Variants in HMGN5 observed in about 807,000 individuals in gnomAD.
The protein encoded by HMGN5 is high mobility group nucleosome binding domain 5.
In HMGN5, 4 loss-of-function variants were observed where a neutral mutation model predicts 9.5. That is an observed-to-expected ratio of 0.42 (90% CI 0.21 to 0.96). The LOEUF is 0.96. Among genes scored for constraint, HMGN5 ranks in the 40% least tolerant of loss-of-function variants. HMGN5 has a pLI of 0.30. For missense variants in HMGN5, 192 were observed against 187.5 expected (o/e 1.02, Z -0.14); for synonymous variants, 55 against 57.1 (o/e 0.96, Z 0.16).
At chrX:81,138,029 A>T (rs890367383) in intron 1 of HMGN5, among the ~76,000 whole-genome samples, 4 of 112,003 alleles carry the variant, frequency 3.6e-5, no homozygotes, top group African/African-American at 1.3e-4. Flanking sequence ...AACACTTAAA[A>T]CATAATTAAA....
Position 81,130,625 on chromosome X carries a change from CTTGTAG to C in HMGN5, c.-123-8959_-123-8954del, listed in dbSNP as rs750111937. Among the ~76,000 whole-genome samples the C allele has an allele frequency of 6.3e-5, 7 of 110,888 alleles. No individual in the cohort carries two copies. The East Asian group carries it at 2.0e-3, about 31-fold the overall frequency. ...GAATTAATTATGCTTGGTTTCCTGTCTTGTAGTTTTAAATTTTCAGTTCTCCCTGAG... is the reference window on the plus strand; with the variant it reads ...GAATTAATTATGCTTGGTTTCCTGTCTTTTAAATTTTCAGTTCTCCCTGAG... On this transcript the variant is annotated intron_variant, in intron 1 of 6. Transcript: ENST00000358130.
rs778032335 is a variant in HMGN5, at chrX:81,115,948, G to A, written c.267+256C>T. ...TTGGCTTGTATTTAATAAGAAGGTT[G>A]TTATGTTAGTACTAAGTCATAATCA... On this transcript the variant is annotated intron_variant, in intron 6 of 6. Transcript: ENST00000358130. Among the ~76,000 whole-genome samples the A allele has an allele frequency of 3.4e-3, 378 of 111,869 alleles. 2 individuals are homozygous for A. The highest frequency in any genetic ancestry group is 0.012 in the African/African-American group (364 of 30,905).
chrX:81,115,799 GC>G (rs1450900542), intron 6 of HMGN5, among the ~76,000 whole-genome samples: 1 of 111,846 alleles, frequency 8.9e-6, no homozygotes, highest in Non-Finnish European at 1.9e-5. Context: ...CATTAAATAT[GC>G]AAAATAAGAT....
chrX:81,127,283 G>GC (rs1230374170), intron 1 of HMGN5, among the ~76,000 whole-genome samples: 4 of 111,339 alleles, frequency 3.6e-5, no homozygotes, highest in Non-Finnish European at 7.6e-5. Context: ...ACTGATAAAT[G>GC]CCCCAGGCTG....
intron 1 of HMGN5, among the ~76,000 whole-genome samples, chrX:81,141,043 G>A (rs1386923191): frequency 8.9e-6 from 1 of 111,838 alleles, no homozygotes; most frequent in African/African-American, 3.3e-5. Context: ...CATGGCCTGG[G>A]ATGGTGGTAG....
intron 1 of HMGN5, among the ~76,000 whole-genome samples, chrX:81,154,485 C>T (rs928800075): frequency 3.6e-5 from 4 of 111,367 alleles, no homozygotes; most frequent in Non-Finnish European, 7.5e-5. Context: ...CTCCCACAAG[C>T]ACAGGCAACC....
At chrX:81,131,377 C>A (rs1384538878) in intron 1 of HMGN5, among the ~76,000 whole-genome samples, 1 of 111,281 alleles carries the variant, frequency 9.0e-6, no homozygotes, top group Non-Finnish European at 1.9e-5. Context: ...TCTTTCTTGA[C>A]TACAGAGAAG....
chrX:81,200,828 C>T (rs957068320), intron 1 of HMGN5, among the ~76,000 whole-genome samples: 3 of 110,989 alleles, frequency 2.7e-5, no homozygotes, highest in Non-Finnish European at 5.7e-5. Flanking sequence ...GCACGTTGTG[C>T]ACATGTACCC....
chrX:81,151,126 C>T (rs919164241), intron 1 of HMGN5, among the ~76,000 whole-genome samples: 2 of 111,871 alleles, frequency 1.8e-5, no homozygotes, highest in Admixed American at 9.5e-5. Context: ...TATTATTACC[C>T]TGATTCCCAA....
intron 1 of HMGN5, among the ~76,000 whole-genome samples, chrX:81,136,319 G>A (rs764378718): frequency 9.0e-6 from 1 of 111,493 alleles, no homozygotes; most frequent in Non-Finnish European, 1.9e-5. Flanking sequence ...TTTTCCTTGT[G>A]AGTTTATAGT....
intron 1 of HMGN5, among the ~76,000 whole-genome samples, chrX:81,183,431 G>C (rs1438527966): frequency 9.8e-6 from 1 of 101,817 alleles, no homozygotes. Context: ...ACTGCTTTCT[G>C]TATCCCAGCT....
intron 5 of HMGN5, among the ~76,000 whole-genome samples, chrX:81,117,606 T>C (rs996506827): frequency 2.7e-5 from 3 of 111,189 alleles, no homozygotes; most frequent in African/African-American, 9.8e-5. Flanking sequence ...GTAAGTTGAA[T>C]ATTTAACCTT....
chrX:81,173,086 G>C (rs1296855625), intron 1 of HMGN5, among the ~76,000 whole-genome samples: 1 of 111,093 alleles, frequency 9.0e-6, no homozygotes, highest in Non-Finnish European at 1.9e-5. Context: ...TTGGTGTACT[G>C]TTTGGATTAA....
intron 1 of HMGN5, 165 bp from the exon 2 acceptor site, chrX:81,121,837 C>A: frequency 3.6e-6 from 1 of 281,308 alleles, no homozygotes; most frequent in Non-Finnish European, 6.2e-6. Context: ...CGAACTTGCC[C>A]GAAGCCCTCG....
chrX:81,141,592 A>T (rs1407475904), intron 1 of HMGN5, among the ~76,000 whole-genome samples: 4 of 111,615 alleles, frequency 3.6e-5, no homozygotes, highest in Non-Finnish European at 7.5e-5. Context: ...TTCTTGCCCA[A>T]GGTCATCAAG....
chrX:81,155,467 C>T (rs1487566098), intron 1 of HMGN5, among the ~76,000 whole-genome samples: 5 of 109,120 alleles, frequency 4.6e-5, no homozygotes, highest in Non-Finnish European at 7.6e-5. Flanking sequence ...CAGGAATGTT[C>T]GTAGCAGCTT....
chrX:81,155,995 C>T (rs1209393779), intron 1 of HMGN5, among the ~76,000 whole-genome samples: 1 of 111,561 alleles, frequency 9.0e-6, no homozygotes, highest in Non-Finnish European at 1.9e-5. Context: ...TTTTGAAAGT[C>T]ATTACCACTG....
At chrX:81,173,823 T>A (rs2075433750) in intron 1 of HMGN5, among the ~76,000 whole-genome samples, 1 of 111,821 alleles carries the variant, frequency 8.9e-6, no homozygotes, top group African/African-American at 3.2e-5. Context: ...TGTCTTTGAA[T>A]GAATGTAACC....
At chrX:81,138,409 A>C (rs770004798) in intron 1 of HMGN5, among the ~76,000 whole-genome samples, 1 of 111,802 alleles carries the variant, frequency 8.9e-6, no homozygotes, top group Non-Finnish European at 1.9e-5. Flanking sequence ...GATCATATTA[A>C]CATATATGGA....
Sources: allele counts gnomAD v4.1 joint callset (sites outside exome capture counted in the v4.1 genomes callset), GRCh38; gene constraint gnomAD v4.1.1; transcripts MANE v1.5; gene names NCBI Gene and HGNC (gene_info 2026-07-23, HGNC 2026-07-21).